Variants in SUMF1 observed in about 807,000 individuals in gnomAD.
SUMF1 encodes formylglycine-generating enzyme.
Under a neutral mutation model 47.6 loss-of-function variants are expected in SUMF1, and 48 were observed. The observed-to-expected ratio is 1.01, with a 90% CI of 0.80 to 1.28. SUMF1 has a LOEUF of 1.28. Ranked by LOEUF, SUMF1 falls within the 50% of genes most tolerant of loss-of-function variation. The pLI is 0.00. For missense variants in SUMF1, 571 were observed against 485.4 expected (o/e 1.18, Z -1.66); for synonymous variants, 230 against 192.1 (o/e 1.20, Z -1.63).
At chr3:4,116,453 C>T (rs963801634) in intron 8 of SUMF1, among the ~76,000 whole-genome samples, 1 of 152,082 alleles carries the variant, frequency 6.6e-6, no homozygotes, top group Non-Finnish European at 1.5e-5. Flanking sequence ...TTATTTATTG[C>T]TAGATGGAGG....
intron 7 of SUMF1, among the ~76,000 whole-genome samples, chr3:4,386,290 G>C (rs1354003972): frequency 6.6e-6 from 1 of 152,102 alleles, no homozygotes; most frequent in African/African-American, 2.4e-5. Context: ...TCTTTCATTA[G>C]TGTTGCATAG....
chr3:4,168,759 C>G (rs1023599148), intron 8 of SUMF1, among the ~76,000 whole-genome samples: 1 of 151,942 alleles, frequency 6.6e-6, no homozygotes, highest in Admixed American at 6.6e-5. Flanking sequence ...ATTATATTAC[C>G]CAGTATTGTG....
In SUMF1 at chr3:4,051,951, A is replaced by G. The variant is rs1047912197; in HGVS notation, c.1191+16618T>C. On this transcript the variant is annotated intron_variant and NMD_transcript_variant, in intron 9 of 12. Transcript: ENST00000448413. ...CAAGAAAGTATCAACTAACAACCAT[A>G]GGGCACTTTGATTCTCAAAATGGTT... Among the ~76,000 whole-genome samples, 3 of 152,104 alleles carry G rather than the reference A, an allele frequency of 2.0e-5. No individual in the cohort carries two copies. The South Asian group carries it at 6.2e-4, about 32-fold the overall frequency.
intron 8 of SUMF1, among the ~76,000 whole-genome samples, chr3:4,248,921 A>C (rs917232838): frequency 1.3e-5 from 2 of 152,196 alleles, no homozygotes; most frequent in Non-Finnish European, 2.9e-5. Flanking sequence ...TGACTCAAAG[A>C]GCCCTGACAT....
Position 4,212,676 on chromosome 3 carries a change from C to T in SUMF1, c.1015-143931G>A, listed in dbSNP as rs527764415. 4.3e-4 allele frequency among the ~76,000 whole-genome samples: 65 copies of T among 152,116 alleles called. 1 individual carries two copies. Among genetic ancestry groups the T allele is most frequent in the Non-Finnish European group, 7.6e-4 (52 of 67,984 alleles). On this transcript the variant is annotated intron_variant and NMD_transcript_variant, in intron 8 of 12. Coordinates refer to the SUMF1 transcript ENST00000448413. Reference sequence around the variant, plus strand: ...CTAAGAACATTGAAAAAAGGTTACACGAATTGTTAACTAGAATAACCAGTT... The same window carrying T: ...CTAAGAACATTGAAAAAAGGTTACATGAATTGTTAACTAGAATAACCAGTT...
intron 8 of SUMF1, among the ~76,000 whole-genome samples, chr3:4,362,815 G>T (rs1282531486): frequency 6.6e-6 from 1 of 152,126 alleles, no homozygotes; most frequent in Admixed American, 6.5e-5. Flanking sequence ...TCTAGAGGTT[G>T]AAGTGGGAAG....
At chr3:4,420,693 G>A (rs1485018261) in intron 3 of SUMF1, among the ~76,000 whole-genome samples, 6 of 152,058 alleles carry the variant, frequency 3.9e-5, no homozygotes, top group African/African-American at 1.4e-4. Flanking sequence ...ACCACACCCG[G>A]CCTCTGTAAG....
intron 3 of SUMF1, among the ~76,000 whole-genome samples, chr3:4,437,656 A>G (rs1702444450): frequency 6.6e-6 from 1 of 152,150 alleles, no homozygotes; most frequent in African/African-American, 2.4e-5. Flanking sequence ...AGTGAAAAGA[A>G]GGCTGGGCAC....
At chr3:4,436,543 T>G (rs1035783443) in intron 3 of SUMF1, among the ~76,000 whole-genome samples, 2 of 148,656 alleles carry the variant, frequency 1.3e-5, no homozygotes, top group Admixed American at 6.7e-5. Flanking sequence ...TAAGTGAGAA[T>G]AGAGAAAGGG....
chr3:4,145,646 A>G (rs1694176188), intron 8 of SUMF1, among the ~76,000 whole-genome samples: 1 of 152,168 alleles, frequency 6.6e-6, no homozygotes, highest in Non-Finnish European at 1.5e-5. Context: ...AATTTTTGCC[A>G]TAAGCCTCCT....
chr3:4,145,801 A>G (rs537627643), intron 8 of SUMF1, among the ~76,000 whole-genome samples: 3 of 152,308 alleles, frequency 2.0e-5, no homozygotes, highest in East Asian at 3.9e-4. Context: ...AACATAAATC[A>G]GCAGGGGATA....
intron 7 of SUMF1, among the ~76,000 whole-genome samples, chr3:4,381,853 T>C (rs1199832547): frequency 6.6e-6 from 1 of 152,144 alleles, no homozygotes; most frequent in African/African-American, 2.4e-5. Flanking sequence ...AAGACCGGCC[T>C]TGGGCAACAT....
chr3:4,135,582 G>C (rs1019484903), intron 8 of SUMF1, among the ~76,000 whole-genome samples: 9 of 152,222 alleles, frequency 5.9e-5, no homozygotes, highest in Middle Eastern at 3.4e-3. Flanking sequence ...GATGCCCTCT[G>C]TCACCACTCC....
chr3:4,457,938 A>C (rs2079706949), intron 1 of SUMF1, among the ~76,000 whole-genome samples: 1 of 152,224 alleles, frequency 6.6e-6, no homozygotes, highest in Non-Finnish European at 1.5e-5. Flanking sequence ...AGGAAACAAC[A>C]GAGTGAAGAG....
At chr3:4,229,793 T>G (rs1024551848) in intron 8 of SUMF1, among the ~76,000 whole-genome samples, 2 of 152,004 alleles carry the variant, frequency 1.3e-5, no homozygotes, top group East Asian at 3.9e-4. Flanking sequence ...GTAGGAGAAC[T>G]GCTTGAGACA....
intron 3 of SUMF1, 94 bp from the exon 4 acceptor site, chr3:4,420,240 CA>C (rs1701848009): frequency 2.2e-6 from 2 of 906,260 alleles, no homozygotes; most frequent in Non-Finnish European, 1.8e-6. Context: ...TCAATGTCTT[CA>C]ACTTCCATTT....
rs1299106408 is a variant in SUMF1 at position 4,327,412 on chromosome 3, TG to T, written c.1014+48917del. On this transcript the variant is annotated intron_variant and NMD_transcript_variant, in intron 8 of 12. Transcript: ENST00000448413. ...AAAAAAAGCAAGTTGTTGTTGTTGT[TG>T]TTTTCTGTAGCCGACTATAAACAGC... Among the ~76,000 whole-genome samples the T allele has an allele frequency of 2.0e-5, 3 of 152,210 alleles. No homozygotes were observed. The East Asian group carries it at 5.8e-4, about 29-fold the overall frequency.
chr3:4,117,164 G>T (rs1284044828), intron 8 of SUMF1, among the ~76,000 whole-genome samples: 1 of 151,980 alleles, frequency 6.6e-6, no homozygotes, highest in Admixed American at 6.6e-5. Context: ...CTAAGCAGGG[G>T]AATTATGGCT....
At chr3:4,316,841 C>A in intron 8 of SUMF1, 1 of 1,550,136 alleles carries the variant, frequency 6.5e-7, no homozygotes, top group East Asian at 2.4e-5. Flanking sequence ...TTCTGAATCC[C>A]GGTGAAACCA....
Sources: allele counts gnomAD v4.1 joint callset (sites outside exome capture counted in the v4.1 genomes callset), GRCh38; gene constraint gnomAD v4.1.1; transcripts MANE v1.5; gene names NCBI Gene and HGNC (gene_info 2026-07-23, HGNC 2026-07-21).